The following GNL2 variants were observed in gnomAD, a reference collection of about 807,000 sequenced individuals.
GNL2 encodes the protein G protein nucleolar 2, also known as nucleolar GTP-binding protein 2.
Under a neutral mutation model 92.3 loss-of-function variants are expected in GNL2, and 51 were observed. That is an observed-to-expected ratio of 0.55 (90% CI 0.44 to 0.70). The LOEUF is 0.70. Among genes scored for constraint, GNL2 ranks in the 30% least tolerant of loss-of-function variants. The pLI is 0.00. For missense variants in GNL2, 844 were observed against 895.6 expected (o/e 0.94, Z 0.74); for synonymous variants, 283 against 300.6 (o/e 0.94, Z 0.61).
At chr1:37,593,167 C>G (rs1474454830) in intron 2 of GNL2, among the ~76,000 whole-genome samples, 1 of 152,084 alleles carries the variant, frequency 6.6e-6, no homozygotes, top group Non-Finnish European at 1.5e-5. Context: ...TGATTTACGC[C>G]GGAATTCCAA....
At chr1:37,590,905 G>A (rs1643884207) in intron 3 of GNL2, 60 bp from the exon 4 acceptor site, 1 of 1,373,486 alleles carries the variant, frequency 7.3e-7, no homozygotes, top group Non-Finnish European at 9.9e-7. Context: ...ATCTTCCACT[G>A]ACACGGTGAA....
At position 37,566,850 on chromosome 1, in the gene GNL2, A is replaced by T. The variant is rs115648365; in HGVS notation, c.*5T>A. The T allele has an allele frequency of 1.9e-6, 3 of 1,611,724 alleles. No individual in the cohort carries two copies. ...TTGTATAATTTAATAAAAACCTTTT[A>T]AACATTACTGCTTTTGTCTGAATTT... On this transcript the variant is annotated 3_prime_UTR_variant, in exon 16 of 16. Coordinates refer to ENST00000373062, the MANE Select transcript of GNL2 (RefSeq NM_013285.3).
chr1:37,583,789 A>G, intron 6 of GNL2, 78 bp downstream of exon 6: 1 of 840,462 alleles, frequency 1.2e-6, no homozygotes, highest in Non-Finnish European at 2.1e-6. Flanking sequence ...GAGCTTCAAT[A>G]TATCAAAATT....
At position 37,569,131 on chromosome 1, in the gene GNL2, G is replaced by A. The variant is rs771453763; in HGVS notation, c.1588C>T (p.Arg530Trp). Residue 530 changes from arginine to tryptophan, a missense_variant, in exon 13 of 16, where the codon CGG (arginine) becomes TGG (tryptophan). Coordinates refer to ENST00000373062, the MANE Select transcript of GNL2 (RefSeq NM_013285.3). ...TEMQQILTRVRQNFGKINVVP... is the reference protein window; with the variant it reads ...TEMQQILTRVWQNFGKINVVP... Reference sequence around the variant, plus strand: ...ACGTTGATTTTACCAAAGTTCTGCCGAACTCGTGTGAGAATCTGCTGCATC... The same window carrying A: ...ACGTTGATTTTACCAAAGTTCTGCCAAACTCGTGTGAGAATCTGCTGCATC... 43 of 1,614,040 alleles carry A rather than the reference G, an allele frequency of 2.7e-5. 1 individual carries two copies. In the South Asian group the frequency reaches 4.1e-4, roughly 15 times the overall value.
At chr1:37,587,733 A>G (rs1199115612) in intron 4 of GNL2, among the ~76,000 whole-genome samples, 1 of 152,254 alleles carries the variant, frequency 6.6e-6, no homozygotes, top group Non-Finnish European at 1.5e-5. Flanking sequence ...TACAAAAGTA[A>G]TACAAATAAT....
At chr1:37,567,565 G>T in intron 15 of GNL2, 108 bp downstream of exon 15, 1 of 801,082 alleles carries the variant, frequency 1.2e-6, no homozygotes. Flanking sequence ...AGGTCAACGA[G>T]GACTGGGGTT....
intron 12 of GNL2, among the ~76,000 whole-genome samples, chr1:37,573,669 A>G (rs759888024): frequency 5.3e-5 from 8 of 152,260 alleles, no homozygotes; most frequent in Admixed American, 1.3e-4. Context: ...TTTCGTAAGC[A>G]TAAGAAAAGA....
At chr1:37,576,751 G>A (rs1370248310) in intron 8 of GNL2, among the ~76,000 whole-genome samples, 195 bp from the exon 9 acceptor site, 1 of 152,216 alleles carries the variant, frequency 6.6e-6, no homozygotes, top group African/African-American at 2.4e-5. Flanking sequence ...TCAGAGGTGA[G>A]TCATTTCCTC....
At chr1:37,576,793 T>C (rs911581162) in intron 8 of GNL2, among the ~76,000 whole-genome samples, 1 of 152,074 alleles carries the variant, frequency 6.6e-6, no homozygotes. Flanking sequence ...CTTGTATGTG[T>C]TAAGGTTAAA....
rs1643549260 is a variant in GNL2 at position 37,568,851 on chromosome 1, C to T, written c.1868G>A (p.Arg623Lys). 6.2e-7 allele frequency: 1 copy of T among 1,607,586 alleles called. No homozygotes were observed. Among genetic ancestry groups the T allele is most frequent in the Non-Finnish European group, 8.5e-7 (1 of 1,176,116 alleles). ...KAKAKKFSAV[R>K]ISKGLSEKIF... is the part of the protein sequence containing the mutation. Reference sequence around the variant, plus strand: ...ATTTGTGAGAAGATGAAAATATTACCTGACTGCTGAAAACTTTTTGGCTTT... The same window carrying T: ...ATTTGTGAGAAGATGAAAATATTACTTGACTGCTGAAAACTTTTTGGCTTT... The change falls in exon 13 of 16, where the codon AGA (arginine) becomes AAA (lysine). Residue 623 changes from arginine (R) to lysine (K), a missense_variant and splice_region_variant. Coordinates refer to ENST00000373062, the MANE Select transcript of GNL2 (RefSeq NM_013285.3).
chr1:37,573,689 C>T (rs1275003107), intron 12 of GNL2, among the ~76,000 whole-genome samples: 2 of 152,184 alleles, frequency 1.3e-5, no homozygotes, highest in African/African-American at 4.8e-5. Context: ...ATACAGGTAC[C>T]AGAAGATCAC....
chr1:37,582,435 CTGT>C, intron 7 of GNL2, 99 bp from the exon 8 acceptor site: 2 of 690,598 alleles, frequency 2.9e-6, no homozygotes, highest in Non-Finnish European at 4.8e-6. Flanking sequence ...TTCAAATATA[CTGT>C]TGTCTAAGGA....
At chr1:37,579,522 G>A (rs1301328617) in intron 8 of GNL2, among the ~76,000 whole-genome samples, 5 of 150,958 alleles carry the variant, frequency 3.3e-5, no homozygotes, top group African/African-American at 9.8e-5. Context: ...ACTCTAGCCT[G>A]GGCAACAAGA....
At chr1:37,588,630 T>TACACATTAGTAAGTATAAC (rs113777630) in intron 4 of GNL2, among the ~76,000 whole-genome samples, 30 of 152,334 alleles carry the variant, frequency 2.0e-4, no homozygotes, top group Non-Finnish European at 3.2e-4. Flanking sequence ...TCTATAAACC[T>TACACATTAGTAAGTATAAC]ACACATTAGT....
intron 3 of GNL2, among the ~76,000 whole-genome samples, chr1:37,591,771 T>A (rs1340203846): frequency 5.3e-5 from 8 of 152,176 alleles, no homozygotes; most frequent in Non-Finnish European, 5.9e-5. Context: ...CCTCCCAAAG[T>A]GCTGGGATTA....
At chr1:37,588,710 G>C (rs1372139608) in intron 4 of GNL2, among the ~76,000 whole-genome samples, 1 of 152,160 alleles carries the variant, frequency 6.6e-6, no homozygotes, top group Non-Finnish European at 1.5e-5. Context: ...CAAAGTTACA[G>C]TACTCTTACT....
Sources: gnomAD v4.1 joint callset for allele counts (sites outside exome capture counted in the v4.1 genomes callset) on GRCh38, gnomAD v4.1.1 for gene constraint, MANE v1.5 for transcripts, NCBI Gene and HGNC (gene_info 2026-07-23, HGNC 2026-07-21) for gene names.